Variants in USP10 observed in about 807,000 individuals in gnomAD.
The protein encoded by USP10 is ubiquitin carboxyl-terminal hydrolase 10.
Under a neutral mutation model 84.5 loss-of-function variants are expected in USP10, and 22 were observed. The observed-to-expected ratio is 0.26, with a 90% CI of 0.19 to 0.37. The LOEUF (loss-of-function observed/expected upper bound fraction) is 0.37. Ranked by LOEUF, USP10 falls within the 10% of genes least tolerant of loss-of-function variation. The pLI, the probability that USP10 is intolerant of heterozygous loss-of-function variation, is 1.00. For synonymous variants in USP10, 454 were observed against 387.6 expected (o/e 1.17, Z -2.01); for missense variants, 1,019 against 998.9 (o/e 1.02, Z -0.27).
At chr16:84,771,411 C>T (rs1001317080) in intron 11 of USP10, among the ~76,000 whole-genome samples, 7 of 151,964 alleles carry the variant, frequency 4.6e-5, no homozygotes, top group Admixed American at 3.9e-4. Flanking sequence ...GGGAGAATCA[C>T]CTGAGCCCAG....
At position 84,772,547 on chromosome 16, in the gene USP10, A is replaced by T; in HGVS notation, c.2005A>T (p.Ile669Leu). The T allele has an allele frequency of 6.2e-7, 1 of 1,613,722 alleles. No individual in the cohort carries two copies. The highest frequency in any genetic ancestry group is 1.1e-5 in the South Asian group (1 of 91,068). The change falls in exon 12 of 14, where the codon ATA becomes TTA. Residue 669 changes from isoleucine to leucine, a missense_variant. Ile to Leu is a conservative substitution (Grantham distance 5, BLOSUM62 2). Coordinates refer to ENST00000219473, the MANE Select transcript of USP10 (RefSeq NM_005153.3). Reference protein sequence around the residue: ...YTTKTKQEVEISRRVTLEKLP... With the variant: ...YTTKTKQEVELSRRVTLEKLP... ...GGTGTGCTTTGTGTCTTAGGTTGAG[A>T]TAAGTCGAAGAGTGACTCTGGAAAA...
chr16:84,720,830 C>T (rs1210856698), intron 1 of USP10, among the ~76,000 whole-genome samples: 1 of 151,150 alleles, frequency 6.6e-6, no homozygotes. Flanking sequence ...GATCTGCCCA[C>T]CTCGACGTCG....
chr16:84,740,083 C>T (rs904428062), intron 2 of USP10, among the ~76,000 whole-genome samples: 1 of 152,144 alleles, frequency 6.6e-6, no homozygotes, highest in African/African-American at 2.4e-5. Context: ...ATTTTCGGAT[C>T]TGTTTAATAG....
At chr16:84,746,499 A>C (rs1214010608) in intron 4 of USP10, among the ~76,000 whole-genome samples, 1 of 152,236 alleles carries the variant, frequency 6.6e-6, no homozygotes, top group East Asian at 1.9e-4. Context: ...ACTACTGAAT[A>C]CTGTAGGCAG....
chr16:84,707,330 C>T (rs1905663601), intron 1 of USP10, among the ~76,000 whole-genome samples: 1 of 152,200 alleles, frequency 6.6e-6, no homozygotes, highest in South Asian at 2.1e-4. Context: ...TAATATGTTA[C>T]TATTCACTAA....
intron 4 of USP10, among the ~76,000 whole-genome samples, chr16:84,753,437 G>C (rs1912165845): frequency 6.6e-6 from 1 of 152,064 alleles, no homozygotes; most frequent in South Asian, 2.1e-4. Flanking sequence ...TATTTTCTAG[G>C]GGGGATTCTG....
intron 2 of USP10, among the ~76,000 whole-genome samples, chr16:84,739,629 A>G (rs1270409685): frequency 2.6e-5 from 4 of 152,198 alleles, no homozygotes; most frequent in Non-Finnish European, 5.9e-5. Flanking sequence ...CAACTCTTAA[A>G]TAAATGTTAT....
chr16:84,714,430 C>T (rs759827735), intron 1 of USP10, among the ~76,000 whole-genome samples: 1 of 152,206 alleles, frequency 6.6e-6, no homozygotes, highest in African/African-American at 2.4e-5. Context: ...GCCATCCTCC[C>T]TCTTTAGCCT....
rs377396621 is a variant in USP10, at chr16:84,758,698, G to A, written c.1193-18G>A. Reference sequence around the variant, plus strand: ...TAGATGTCATCAATTTCTGAAATATGCTTCTTCACTCTTTCAGAGTTGCTG... The same window carrying A: ...TAGATGTCATCAATTTCTGAAATATACTTCTTCACTCTTTCAGAGTTGCTG... On this transcript the variant is annotated intron_variant, in intron 4 of 13. Transcript: ENST00000219473. 3.9e-5 allele frequency: 60 copies of A among 1,555,770 alleles called. No homozygotes were observed. In the African/African-American group the frequency reaches 7.2e-4, roughly 19 times the overall value.
chr16:84,768,124 T>G (rs1914058277), intron 10 of USP10, 69 bp from the exon 11 acceptor site: 2 of 1,455,826 alleles, frequency 1.4e-6, no homozygotes, highest in South Asian at 2.7e-5. Context: ...TTTATTCCCT[T>G]GGTTAATCTT....
At chr16:84,774,497 T>TCTTCGAGACAGAG (rs1555550282) in intron 12 of USP10, among the ~76,000 whole-genome samples, 28 of 150,342 alleles carry the variant, frequency 1.9e-4, no homozygotes, top group Middle Eastern at 6.8e-3. Context: ...GTTTGTTTTT[T>TCTTCGAGACAGAG]TCTTGCTCTG....
At chr16:84,715,983 G>C (rs941863162) in intron 1 of USP10, among the ~76,000 whole-genome samples, 2 of 152,296 alleles carry the variant, frequency 1.3e-5, no homozygotes, top group African/African-American at 4.8e-5. Context: ...TTTAGGCAGT[G>C]TCCTGAGCTT....
At chr16:84,728,029 CT>C (rs1244230804) in intron 1 of USP10, among the ~76,000 whole-genome samples, 4 of 152,202 alleles carry the variant, frequency 2.6e-5, no homozygotes, top group African/African-American at 9.7e-5. Flanking sequence ...TTCCCACAGC[CT>C]TTCAGGATAT....
chr16:84,747,593 C>T (rs1400737622), intron 4 of USP10, among the ~76,000 whole-genome samples: 1 of 111,048 alleles, frequency 9.0e-6, no homozygotes, highest in Non-Finnish European at 1.7e-5. Context: ...GATGCAGTCT[C>T]ACTCTGTTGC....
At chr16:84,755,244 T>TG (rs1912396502) in intron 4 of USP10, among the ~76,000 whole-genome samples, 1 of 151,804 alleles carries the variant, frequency 6.6e-6, no homozygotes, top group African/African-American at 2.4e-5. Flanking sequence ...CACCCACCTC[T>TG]GGCATCTTCG....
chr16:84,749,574 T>TAA (rs35825970), intron 4 of USP10, among the ~76,000 whole-genome samples: 33,837 of 146,488 alleles, frequency 0.23, 4,072 homozygotes, highest in East Asian at 0.37. Flanking sequence ...ACCCCATCTT[T>TAA]AAAAAAAAAA....
At chr16:84,728,854 A>T (rs1460878054) in intron 1 of USP10, among the ~76,000 whole-genome samples, 1 of 151,880 alleles carries the variant, frequency 6.6e-6, no homozygotes, top group Non-Finnish European at 1.5e-5. Context: ...GCTGGAGTGT[A>T]GTGGCACCAT....
chr16:84,725,788 T>G (rs961640311), intron 1 of USP10, among the ~76,000 whole-genome samples: 3 of 152,222 alleles, frequency 2.0e-5, no homozygotes, highest in Non-Finnish European at 4.4e-5. Context: ...ATTTTAGAAG[T>G]TGTCTGGTCC....
intron 4 of USP10, among the ~76,000 whole-genome samples, chr16:84,756,651 T>A (rs1010535238): frequency 2.0e-5 from 3 of 149,384 alleles, no homozygotes; most frequent in Non-Finnish European, 3.0e-5. Context: ...AGGTTAGGTT[T>A]AAAAAAAAAA....
Sources: allele counts gnomAD v4.1 joint callset (sites outside exome capture counted in the v4.1 genomes callset), GRCh38; gene constraint gnomAD v4.1.1; transcripts MANE v1.5; gene names NCBI Gene and HGNC (gene_info 2026-07-23, HGNC 2026-07-21).